Variants in PSD3 observed in about 807,000 individuals in gnomAD.
The protein encoded by PSD3 is PH and SEC7 domain-containing protein 3.
PSD3 carries 49 observed loss-of-function variants against 105.5 expected under a neutral mutation model. The observed-to-expected ratio is 0.46, with a 90% confidence interval of 0.37 to 0.59. The LOEUF (loss-of-function observed/expected upper bound fraction) is 0.59, where lower values mean the gene tolerates loss of function less well. Among genes scored for constraint, PSD3 ranks in the 20% least tolerant of loss-of-function variants. The probability of loss-of-function intolerance (pLI) is 0.00; values close to 1 mark genes in which losing one functional copy is unlikely to be tolerated. For missense variants in PSD3, 1,561 were observed against 1,263.8 expected (o/e 1.24, Z -3.57); for synonymous variants, 557 against 457.8 (o/e 1.22, Z -2.77).
In PSD3 at chr8:18,970,817, T is replaced by C. The variant is rs560728244; in HGVS notation, c.22-34675A>G. Reference sequence around the variant, plus strand: ...TAAAAATACAGAAATTAGCTGGGCGTGGCGGTGTGCACCTGTAGTACCAAC... The same window carrying C: ...TAAAAATACAGAAATTAGCTGGGCGCGGCGGTGTGCACCTGTAGTACCAAC... On this transcript the variant is annotated intron_variant, in intron 1 of 15. Transcript: ENST00000327040. Among the ~76,000 whole-genome samples, 66 of 151,864 alleles carry C rather than the reference T, an allele frequency of 4.3e-4. 1 individual carries two copies. Among genetic ancestry groups the C allele is most frequent in the South Asian group, 3.3e-3 (16 of 4,796 alleles).
At chr8:18,710,232 GGA>G (rs1005957906) in intron 9 of PSD3, among the ~76,000 whole-genome samples, 54 of 152,138 alleles carry the variant, frequency 3.5e-4, no homozygotes, top group African/African-American at 1.2e-3. Context: ...ACCATGTGGA[GGA>G]GAGAATCTCA....
At chr8:18,642,803 G>C (rs1807746301) in intron 10 of PSD3, among the ~76,000 whole-genome samples, 1 of 152,158 alleles carries the variant, frequency 6.6e-6, no homozygotes, top group Non-Finnish European at 1.5e-5. Flanking sequence ...ATTATCAAGA[G>C]AAATGCCACT....
At chr8:18,595,389 T>C (rs1305343837) in intron 12 of PSD3, among the ~76,000 whole-genome samples, 1 of 150,886 alleles carries the variant, frequency 6.6e-6, no homozygotes, top group African/African-American at 2.4e-5. Context: ...TTACTTTAAA[T>C]ATGAATGGAT....
intron 12 of PSD3, among the ~76,000 whole-genome samples, chr8:18,579,550 AC>A (rs1300357770): frequency 1.3e-5 from 2 of 151,442 alleles, no homozygotes; most frequent in Non-Finnish European, 2.9e-5. Context: ...CCCAATAAAC[AC>A]CAAGAATGTG....
chr8:18,845,275 C>T (rs1013403148), intron 4 of PSD3, among the ~76,000 whole-genome samples: 2 of 152,232 alleles, frequency 1.3e-5, no homozygotes, highest in East Asian at 1.9e-4. Flanking sequence ...AAGAGGATGG[C>T]GAGAGGAACG....
rs569787743 is a variant in PSD3 at position 18,793,467 on chromosome 8, C to A, written c.2082+5828G>T. 2.0e-5 allele frequency among the ~76,000 whole-genome samples: 3 copies of A among 150,348 alleles called. No homozygotes were observed. In the South Asian group the frequency reaches 6.3e-4, roughly 32 times the overall value. ...CTATGTAACAAACCTGCACATCCTG[C>A]ACATAGACCCCTGACCTTAAAGTTA... On this transcript the variant is annotated intron_variant, in intron 8 of 15. Coordinates refer to ENST00000327040, the MANE Select transcript of PSD3 (RefSeq NM_015310.4).
chr8:19,083,195 C>T (rs951324509), intron 1 of PSD3, among the ~76,000 whole-genome samples: 37 of 152,212 alleles, frequency 2.4e-4, no homozygotes, highest in African/African-American at 8.4e-4. Context: ...TCCTCACCTC[C>T]ACCCTCATGC....
chr8:18,830,513 A>C (rs916413068), intron 4 of PSD3, among the ~76,000 whole-genome samples: 2 of 152,228 alleles, frequency 1.3e-5, no homozygotes, highest in Non-Finnish European at 2.9e-5. Context: ...GGCACAATGC[A>C]ACTTGTTTAA....
chr8:18,668,420 A>G (rs1799604368), intron 9 of PSD3, among the ~76,000 whole-genome samples: 1 of 152,222 alleles, frequency 6.6e-6, no homozygotes, highest in Non-Finnish European at 1.5e-5. Flanking sequence ...TCTGATAATA[A>G]CTATCAATGA....
At chr8:18,862,279 G>A (rs756175269) in intron 4 of PSD3, among the ~76,000 whole-genome samples, 1 of 151,346 alleles carries the variant, frequency 6.6e-6, no homozygotes, top group East Asian at 1.9e-4. Context: ...TCAAAAATAC[G>A]CACCTAGAAA....
rs187124100 is a variant in PSD3, at chr8:18,834,354, G to A, written c.1635-29456C>T. 3.2e-4 allele frequency among the ~76,000 whole-genome samples: 49 copies of A among 152,274 alleles called. 1 individual carries two copies. In the East Asian group the frequency reaches 8.9e-3, roughly 28 times the overall value. ...CAAAAGGCAATACTATCCTTCAAAT[G>A]GAAAGGGCTTTTGGGTACCCATAAG... On this transcript the variant is annotated intron_variant, in intron 4 of 15. Coordinates refer to ENST00000327040, the MANE Select transcript of PSD3 (RefSeq NM_015310.4).
chr8:18,664,511 G>C (rs758155300), intron 9 of PSD3, among the ~76,000 whole-genome samples: 1 of 152,170 alleles, frequency 6.6e-6, no homozygotes, highest in African/African-American at 2.4e-5. Context: ...AACAGATGTC[G>C]GTTCGTGAGG....
chr8:18,722,673 A>T (rs1489597805), intron 9 of PSD3, among the ~76,000 whole-genome samples: 2 of 152,158 alleles, frequency 1.3e-5, no homozygotes, highest in African/African-American at 4.8e-5. Flanking sequence ...ACCAAGTAGG[A>T]GGAGAAAGAA....
At chr8:18,987,613 T>A (rs1825575436) in intron 1 of PSD3, among the ~76,000 whole-genome samples, 1 of 151,650 alleles carries the variant, frequency 6.6e-6, no homozygotes. Flanking sequence ...AAGCCAGGAG[T>A]TCAAGACCAC....
chr8:18,804,724 A>G lies in PSD3; in HGVS notation c.1809T>C (p.Val603=), dbSNP rs771595385. ...CGTACTTCTTGCCAAGGTGTTTTGCAACATCTGATCTTTTGAATCTGTCCA... is the reference window on the plus strand; with the variant it reads ...CGTACTTCTTGCCAAGGTGTTTTGCGACATCTGATCTTTTGAATCTGTCCA... ...YQLDRFKRSD[V]AKHLGKNNEF... Residue 603 remains valine (V), a synonymous_variant, in exon 5 of 16, where the codon GTT becomes GTC. Transcript: ENST00000327040. The G allele has an allele frequency of 6.2e-7, 1 of 1,613,982 alleles. No individual in the cohort carries two copies. The highest frequency in any genetic ancestry group is 8.5e-7 in the Non-Finnish European group (1 of 1,179,952).
At chr8:18,807,261 G>C (rs1811283278) in intron 4 of PSD3, among the ~76,000 whole-genome samples, 1 of 152,104 alleles carries the variant, frequency 6.6e-6, no homozygotes, top group South Asian at 2.1e-4. Context: ...AAGCAGCCAG[G>C]GCTCCTGGAC....
At chr8:19,041,817 A>T (rs1190707610) in intron 1 of PSD3, among the ~76,000 whole-genome samples, 1 of 152,214 alleles carries the variant, frequency 6.6e-6, no homozygotes, top group African/African-American at 2.4e-5. Context: ...TTAAAAATAA[A>T]CCAGAAACCT....
intron 12 of PSD3, among the ~76,000 whole-genome samples, chr8:18,583,923 T>C (rs188415324): frequency 6.6e-6 from 1 of 152,206 alleles, no homozygotes; most frequent in African/African-American, 2.4e-5. Flanking sequence ...GCACTCATTA[T>C]TGACTTGCTT....
intron 10 of PSD3, among the ~76,000 whole-genome samples, chr8:18,640,364 G>C (rs1234187195): frequency 6.6e-6 from 1 of 152,162 alleles, no homozygotes; most frequent in Non-Finnish European, 1.5e-5. Flanking sequence ...CGGTTTGGCT[G>C]TGTCCCCACC....
Sources: gnomAD v4.1 joint callset for allele counts (sites outside exome capture counted in the v4.1 genomes callset) on GRCh38, gnomAD v4.1.1 for gene constraint, MANE v1.5 for transcripts, NCBI Gene and HGNC (gene_info 2026-07-23, HGNC 2026-07-21) for gene names.